EPN2: variants seen among roughly 807,000 people sequenced by gnomAD.
The protein encoded by EPN2 is epsin 2.
A neutral mutation model predicts 61.7 loss-of-function variants in EPN2; 34 were observed. The observed-to-expected ratio is 0.55, with a 90% CI of 0.42 to 0.73. The LOEUF is 0.73. Among genes scored for constraint, EPN2 ranks in the 30% least tolerant of loss-of-function variants. EPN2 has a pLI of 0.00. For synonymous variants in EPN2, 349 were observed against 353.6 expected (o/e 0.99, Z 0.15); for missense variants, 714 against 839.2 (o/e 0.85, Z 1.84).
At chr17:19,295,358 A>ACGCGCGCGCGCGCGCG (rs559120143) in intron 4 of EPN2, among the ~76,000 whole-genome samples, 1 of 66,690 alleles carries the variant, frequency 1.5e-5, no homozygotes, top group African/African-American at 4.0e-5. Context: ...ACACACACAC[A>ACGCGCGCGCGCGCGCG]CACACACACG....
intron 5 of EPN2, 119 bp downstream of exon 5, chr17:19,310,116 C>A: frequency 1.4e-6 from 1 of 711,678 alleles, no homozygotes; most frequent in Non-Finnish European, 2.5e-6. Context: ...GATATGCTTG[C>A]TGAGATGGCA....
Position 19,312,472 on chromosome 17 carries a change from G to T in EPN2, c.972+328G>T, listed in dbSNP as rs79670545. Among the ~76,000 whole-genome samples the T allele has an allele frequency of 6.5e-3, 993 of 152,342 alleles. 54 individuals carry two copies. The East Asian group carries it at 0.12, about 18-fold the overall frequency. On this transcript the variant is annotated intron_variant, in intron 6 of 10. Transcript: ENST00000314728. ...CTGCGGAACGCTTTCCTGCAGCAGG[G>T]TGTGCCCCCAGAAGTGCTGGTTGCC...
chr17:19,307,478 T>C (rs977924425), intron 4 of EPN2, among the ~76,000 whole-genome samples: 1 of 151,978 alleles, frequency 6.6e-6, no homozygotes, highest in African/African-American at 2.4e-5. Context: ...GCCCGGCTAA[T>C]TTATTTTGTA....
At chr17:19,238,511 T>G (rs982518723) in intron 1 of EPN2, among the ~76,000 whole-genome samples, 6 of 152,162 alleles carry the variant, frequency 3.9e-5, no homozygotes, top group South Asian at 2.1e-4. Context: ...CCTTCACAGT[T>G]GTGCTTCCCT....
chr17:19,307,815 G>A (rs1384845083), intron 4 of EPN2: 2 of 746,416 alleles, frequency 2.7e-6, no homozygotes, highest in Non-Finnish European at 3.3e-6. Flanking sequence ...TGGTTCTTCT[G>A]TGGATCCCGT....
chr17:19,291,542 G>A (rs560729595), intron 4 of EPN2, among the ~76,000 whole-genome samples: 3 of 140,652 alleles, frequency 2.1e-5, no homozygotes, highest in Admixed American at 7.9e-5. Context: ...GGTTCACGCC[G>A]TTCTCCTGCC....
chr17:19,274,831 T>C (rs375822462), intron 1 of EPN2, among the ~76,000 whole-genome samples: 6 of 151,314 alleles, frequency 4.0e-5, no homozygotes, highest in African/African-American at 9.8e-5. Flanking sequence ...TATGGAATAC[T>C]TCTTGCCTCC....
intron 4 of EPN2, chr17:19,297,172 C>T (rs1168852997): frequency 6.6e-6 from 1 of 152,136 alleles, no homozygotes; most frequent in Non-Finnish European, 1.5e-5. Flanking sequence ...GTGACAGGGC[C>T]CTGGCTGCAT....
In EPN2 at chr17:19,288,178, G is replaced by A. The variant is rs574496925; in HGVS notation, c.766+2388G>A. ...AGTCTGGGGGTCCTCCTGTTCCGGC[G>A]GAAGCATTCCAGACCTTCCCAGGCC... is the stretch of plus-strand genomic sequence containing the variant. On this transcript the variant is annotated intron_variant, in intron 4 of 10. Coordinates refer to ENST00000314728, the MANE Select transcript of EPN2 (RefSeq NM_014964.5). Among the ~76,000 whole-genome samples the A allele has an allele frequency of 2.6e-5, 4 of 152,238 alleles. No homozygotes were observed. In the South Asian group the frequency reaches 8.3e-4, roughly 32 times the overall value.
Position 19,336,003 on chromosome 17 carries a change from T to A in EPN2, c.*1749T>A, listed in dbSNP as rs1308924808. Reference sequence around the variant, plus strand: ...AGCTGACCACCTGCCAGCCCCTCTCTGGTTCCAGAAGATTACCCTTCGCAC... The same window carrying A: ...AGCTGACCACCTGCCAGCCCCTCTCAGGTTCCAGAAGATTACCCTTCGCAC... On this transcript the variant is annotated 3_prime_UTR_variant, in exon 11 of 11. Coordinates refer to ENST00000314728, the MANE Select transcript of EPN2 (RefSeq NM_014964.5). 6.6e-6 allele frequency: 1 copy of A among 152,576 alleles called. No individual in the cohort carries two copies. The highest frequency in any genetic ancestry group is 1.5e-5 in the Non-Finnish European group (1 of 68,326). 9.5% of individuals were successfully genotyped at this position (152,576 alleles called of 1,614,324 possible). A position where few individuals can be genotyped will look rare whatever the true frequency, so the allele number is the denominator to read the frequency against.
chr17:19,284,761 G>A (rs999441881), intron 3 of EPN2, among the ~76,000 whole-genome samples: 12 of 152,236 alleles, frequency 7.9e-5, no homozygotes, highest in South Asian at 2.1e-4. Flanking sequence ...ACATTGTACC[G>A]CCACCACTAG....
Position 19,300,497 on chromosome 17 carries a change from C to T in EPN2, c.767-9388C>T, listed in dbSNP as rs143854910. Among the ~76,000 whole-genome samples the T allele has an allele frequency of 7.3e-3, 979 of 133,268 alleles. 52 individuals carry two copies. In the East Asian group the frequency reaches 0.15, roughly 21 times the overall value. The allele number at this position is 133,268 out of a possible 152,430, so 87.4% of individuals were successfully genotyped here. A position where few individuals can be genotyped will look rare whatever the true frequency, so the allele number is the denominator to read the frequency against. On this transcript the variant is annotated intron_variant, in intron 4 of 10. Coordinates refer to ENST00000314728, the MANE Select transcript of EPN2 (RefSeq NM_014964.5). ...AAGCTGGAGTGCAGTGGTGCAATCT[C>T]GGCTCACTGCAGCCTCCGCCTCCTG...
At chr17:19,255,436 CTTTATTTATTTA>C (rs58603139) in intron 1 of EPN2, among the ~76,000 whole-genome samples, 2,773 of 138,336 alleles carry the variant, frequency 0.02, 133 homozygotes, top group East Asian at 0.18. Flanking sequence ...TCTTCATTTA[CTTTATTTATTTA>C]TTTATTTATT....
At chr17:19,286,609 A>T (rs73982653) in intron 4 of EPN2, among the ~76,000 whole-genome samples, 1,630 of 152,290 alleles carry the variant, frequency 0.011, 23 homozygotes, top group African/African-American at 0.035. Flanking sequence ...GGCACGACAG[A>T]GAGCTTTTGT....
chr17:19,269,108 T>A (rs1265014703), intron 1 of EPN2, among the ~76,000 whole-genome samples: 1 of 152,194 alleles, frequency 6.6e-6, no homozygotes, highest in Non-Finnish European at 1.5e-5. Context: ...GGTTTGCACA[T>A]ATTCTCTTAT....
chr17:19,264,075 C>T (rs547352500), intron 1 of EPN2, among the ~76,000 whole-genome samples: 22 of 152,260 alleles, frequency 1.4e-4, no homozygotes, highest in South Asian at 4.1e-4. Context: ...GCTGGAAACG[C>T]GCCCCTTTAT....
At chr17:19,245,019 A>T (rs2044929158) in intron 1 of EPN2, among the ~76,000 whole-genome samples, 1 of 152,126 alleles carries the variant, frequency 6.6e-6, no homozygotes, top group Admixed American at 6.6e-5. Flanking sequence ...GAGCAAGCTG[A>T]GGCTCGGAAG....
At chr17:19,302,076 A>G (rs1905552518) in intron 4 of EPN2, among the ~76,000 whole-genome samples, 1 of 152,140 alleles carries the variant, frequency 6.6e-6, no homozygotes, top group African/African-American at 2.4e-5. Context: ...AAGGGTTGGT[A>G]ATGAAGAGCC....
intron 4 of EPN2, among the ~76,000 whole-genome samples, chr17:19,309,008 A>ATGTGTGC (rs1351442848): frequency 6.6e-6 from 1 of 151,760 alleles, no homozygotes; most frequent in South Asian, 2.1e-4. Context: ...AAGTGTCTGC[A>ATGTGTGC]TTTTTATCTG....
Sources: gnomAD v4.1 joint callset for allele counts (sites outside exome capture counted in the v4.1 genomes callset) on GRCh38, gnomAD v4.1.1 for gene constraint, MANE v1.5 for transcripts, NCBI Gene and HGNC (gene_info 2026-07-23, HGNC 2026-07-21) for gene names.